TTC3: variants seen among roughly 807,000 people sequenced by gnomAD.
TTC3 encodes tetratricopeptide repeat domain 3.
TTC3 carries 180 observed loss-of-function variants against 249.6 expected under a neutral mutation model. The ratio of observed to expected loss-of-function variants is 0.72; its 90% CI spans 0.64 to 0.82. The LOEUF (loss-of-function observed/expected upper bound fraction) is 0.82. Ranked by LOEUF, TTC3 falls within the 40% of genes least tolerant of loss-of-function variation. TTC3 has a pLI of 0.00. For synonymous variants in TTC3, 717 were observed against 805.0 expected (o/e 0.89, Z 1.85); for missense variants, 2,061 against 2,398.4 (o/e 0.86, Z 2.94).
chr21:37,077,292 A>G (rs901862854), intron 1 of TTC3, among the ~76,000 whole-genome samples: 5 of 152,092 alleles, frequency 3.3e-5, no homozygotes, highest in African/African-American at 1.2e-4. Context: ...AGGGTATGCA[A>G]TTTTAAAAAG....
rs2079536175 is a variant in TTC3, at chr21:37,152,240, T to G, written c.2413+211T>G. Among the ~76,000 whole-genome samples, 5 of 152,318 alleles carry G rather than the reference T, an allele frequency of 3.3e-5. No individual in the cohort carries two copies. In the South Asian group the frequency reaches 1.0e-3, roughly 32 times the overall value. Reference sequence around the variant, plus strand: ...AACCTTTCAGAGATTGTATTCCCACTGAAAAACCTTTCAGAGATTGTATTT... The same window carrying G: ...AACCTTTCAGAGATTGTATTCCCACGGAAAAACCTTTCAGAGATTGTATTT... On this transcript the variant is annotated intron_variant, in intron 26 of 45. Coordinates refer to ENST00000355666, the Ensembl canonical transcript of TTC3.
chr21:37,188,193 G>A (rs1312658177), intron 38 of TTC3: 3 of 244,192 alleles, frequency 1.2e-5, no homozygotes, highest in African/African-American at 4.4e-5. Flanking sequence ...ATGCACACTC[G>A]TGTACACATG....
intron 38 of TTC3, 170 bp from the exon 39 acceptor site, chr21:37,188,325 T>C: frequency 1.9e-6 from 1 of 539,956 alleles, no homozygotes; most frequent in Non-Finnish European, 3.3e-6. Flanking sequence ...TGTTTTCAAA[T>C]CTCAAAGTCT....
At chr21:37,129,086 G>GT (rs746165644) in intron 16 of TTC3, 23 bp downstream of exon 16, 5 of 1,541,924 alleles carry the variant, frequency 3.2e-6, no homozygotes, top group South Asian at 2.4e-5. Context: ...TCTAAGGTAT[G>GT]TTTTTTTCCC....
intron 23 of TTC3, among the ~76,000 whole-genome samples, 183 bp from the exon 24 acceptor site, chr21:37,149,895 A>G (rs1386192236): frequency 2.6e-5 from 4 of 152,214 alleles, no homozygotes; most frequent in East Asian, 1.9e-4. Context: ...ACCTGAAAGT[A>G]TATTTTTCCT....
chr21:37,126,383 G>A lies in TTC3; in HGVS notation c.1297+240G>A, dbSNP rs1258622814. ...AGGAAAGGAAAAGATGAAGTACATA[G>A]CTCTTTTTGGTCTGCTTCTTAATTT... On this transcript the variant is annotated intron_variant, in intron 15 of 45. Coordinates refer to ENST00000355666, the Ensembl canonical transcript of TTC3. Among the ~76,000 whole-genome samples the A allele has an allele frequency of 2.6e-5, 4 of 152,188 alleles. No individual in the cohort carries two copies. The East Asian group carries it at 5.8e-4, about 22-fold the overall frequency.
intron 35 of TTC3, among the ~76,000 whole-genome samples, chr21:37,181,379 G>A (rs2082743955): frequency 6.6e-6 from 1 of 152,206 alleles, no homozygotes; most frequent in Admixed American, 6.5e-5. Context: ...GCACAGGATA[G>A]GTGAGAAACA....
At chr21:37,118,188 A>G (rs559335887) in intron 11 of TTC3, among the ~76,000 whole-genome samples, 3 of 152,242 alleles carry the variant, frequency 2.0e-5, no homozygotes, top group African/African-American at 7.2e-5. Context: ...AGTAGATCAT[A>G]CAGGGTATAT....
chr21:37,200,143 A>G, intron 44 of TTC3, 89 bp from the exon 45 acceptor site: 1 of 1,193,514 alleles, frequency 8.4e-7, no homozygotes, highest in Non-Finnish European at 1.2e-6. Context: ...TTGTGGCAGA[A>G]GATGTTTGAA....
rs979675761 is a variant in TTC3, at chr21:37,083,379, A to G, written c.-11-3868A>G. Reference sequence around the variant, plus strand: ...AAGCTGTTGCATGGTTTTAAGCAGTAAAGTGATATGATCAGAGTTTTAGAG... The same window carrying G: ...AAGCTGTTGCATGGTTTTAAGCAGTGAAGTGATATGATCAGAGTTTTAGAG... On this transcript the variant is annotated intron_variant, in intron 1 of 45. Coordinates refer to ENST00000355666, the Ensembl canonical transcript of TTC3. The G allele has an allele frequency of 4.1e-6, 4 of 985,316 alleles. No individual in the cohort carries two copies. In the African/African-American group the frequency reaches 7.0e-5, roughly 17 times the overall value. 61.0% of individuals were successfully genotyped at this position (985,316 alleles called of 1,614,324 possible).
At chr21:37,196,743 C>G (rs936432341) in intron 42 of TTC3, among the ~76,000 whole-genome samples, 1 of 152,148 alleles carries the variant, frequency 6.6e-6, no homozygotes, top group Non-Finnish European at 1.5e-5. Context: ...AAGGCAGCAG[C>G]AACTTAAACC....
chr21:37,172,849 A>T (rs2081927058), intron 35 of TTC3, 105 bp downstream of exon 35: 1 of 1,327,980 alleles, frequency 7.5e-7, no homozygotes, highest in East Asian at 2.6e-5. Flanking sequence ...ATTGGTGGCT[A>T]AACAAAAGAT....
At chr21:37,193,866 C>T (rs2084523272) in intron 41 of TTC3, 1 of 152,222 alleles carries the variant, frequency 6.6e-6, no homozygotes, top group African/African-American at 2.4e-5. Flanking sequence ...TCAGGGGCCA[C>T]TAACCTAATC....
chr21:37,157,324 T>G lies in TTC3; in HGVS notation c.2992+418T>G. On this transcript the variant is annotated intron_variant, in intron 28 of 45. Transcript: ENST00000355666. ...CTAGGATGTTTTAATGGGAAGAGCC[T>G]AGAACTGGGGGTCAGGAAAAGTAGG... is the stretch of plus-strand genomic sequence containing the variant. 1.7e-5 allele frequency: 10 copies of G among 585,730 alleles called. No homozygotes were observed. The South Asian group carries it at 1.9e-4, about 11-fold the overall frequency. 36.3% of individuals were successfully genotyped at this position (585,730 alleles called of 1,614,324 possible). A position where few individuals can be genotyped will look rare whatever the true frequency, so the allele number is the denominator to read the frequency against.
At chr21:37,195,641 C>A (rs1163551805) in intron 41 of TTC3, 34 bp from the exon 42 acceptor site, 2 of 1,560,332 alleles carry the variant, frequency 1.3e-6, no homozygotes, top group Admixed American at 3.7e-5. Context: ...AAGGGAAGCC[C>A]TAAGTGATCC....
At chr21:37,156,758 A>G (rs2080130284) in exon 28 of TTC3, 2 of 1,614,014 alleles carry the variant, frequency 1.2e-6, no homozygotes, top group Admixed American at 3.3e-5. Context: ...ATGGTCACAA[A>G]CTAGACTCTA....
chr21:37,111,468 G>A (rs559844352), intron 11 of TTC3, among the ~76,000 whole-genome samples: 3 of 152,308 alleles, frequency 2.0e-5, no homozygotes, highest in African/African-American at 7.2e-5. Context: ...TTACATAATG[G>A]TAAAGGGATC....
At chr21:37,093,653 C>A (rs2073585277) in intron 7 of TTC3, among the ~76,000 whole-genome samples, 1 of 151,942 alleles carries the variant, frequency 6.6e-6, no homozygotes, top group East Asian at 1.9e-4. Flanking sequence ...ATTGAATTGA[C>A]TTAAGTAATT....
chr21:37,196,779 TAG>T (rs1295518351), intron 42 of TTC3, among the ~76,000 whole-genome samples: 1 of 152,152 alleles, frequency 6.6e-6, no homozygotes, highest in Non-Finnish European at 1.5e-5. Context: ...TCTGATTTGT[TAG>T]AGTGTGAGGT....
Sources: allele counts gnomAD v4.1 joint callset (sites outside exome capture counted in the v4.1 genomes callset), GRCh38; gene constraint gnomAD v4.1.1; transcripts MANE v1.5; gene names NCBI Gene and HGNC (gene_info 2026-07-23, HGNC 2026-07-21).